Variants in LRMDA observed in about 807,000 individuals in gnomAD.
The protein encoded by LRMDA is leucine rich melanocyte differentiation associated, also known as leucine-rich melanocyte differentiation-associated protein.
A neutral mutation model predicts 29.8 loss-of-function variants in LRMDA; 18 were observed. That is an observed-to-expected ratio of 0.60 (90% CI 0.42 to 0.90). The LOEUF is 0.90. Ranked by LOEUF, LRMDA falls within the 40% of genes least tolerant of loss-of-function variation. The pLI, the probability that LRMDA is intolerant of heterozygous loss-of-function variation, is 0.00. For missense variants in LRMDA, 273 were observed against 273.9 expected, an observed-to-expected ratio of 1.00 and a Z score of 0.02; for synonymous variants, 125 against 109.4, an observed-to-expected ratio of 1.14 and a Z score of -0.89.
At chr10:76,472,075 A>T (rs1330019998) in intron 6 of LRMDA, among the ~76,000 whole-genome samples, 1 of 151,738 alleles carries the variant, frequency 6.6e-6, no homozygotes, top group Non-Finnish European at 1.5e-5. Context: ...AACCAACTTG[A>T]CCTACCAGAC....
At chr10:76,012,027 G>A (rs887303796) in intron 2 of LRMDA, among the ~76,000 whole-genome samples, 2 of 152,190 alleles carry the variant, frequency 1.3e-5, no homozygotes, top group Non-Finnish European at 1.5e-5. Context: ...TGAGAAGACT[G>A]TCACACTCTA....
At chr10:76,376,084 T>A (rs1027518762) in intron 6 of LRMDA, among the ~76,000 whole-genome samples, 4 of 152,040 alleles carry the variant, frequency 2.6e-5, no homozygotes, top group Non-Finnish European at 5.9e-5. Flanking sequence ...GGGCTTTTAG[T>A]GTAACCAACA....
At chr10:75,547,563 A>T (rs1249795355) in intron 2 of LRMDA, among the ~76,000 whole-genome samples, 2 of 152,208 alleles carry the variant, frequency 1.3e-5, no homozygotes, top group African/African-American at 4.8e-5. Context: ...TTTCGTCTTT[A>T]TCAAGAATGT....
intron 2 of LRMDA, among the ~76,000 whole-genome samples, chr10:75,449,246 T>G (rs988993427): frequency 1.3e-5 from 2 of 151,872 alleles, no homozygotes; most frequent in Non-Finnish European, 2.9e-5. Flanking sequence ...CACTTACATA[T>G]GTTATCTCAT....
intron 2 of LRMDA, among the ~76,000 whole-genome samples, chr10:75,998,919 A>G (rs1377759731): frequency 2.0e-5 from 3 of 152,240 alleles, no homozygotes; most frequent in Non-Finnish European, 2.9e-5. Context: ...TCACAGAACC[A>G]GGGAACTGTG....
At chr10:75,797,942 T>C (rs1051414252) in intron 2 of LRMDA, among the ~76,000 whole-genome samples, 1 of 152,206 alleles carries the variant, frequency 6.6e-6, no homozygotes, top group Admixed American at 6.5e-5. Context: ...CATCAGTATA[T>C]GAAGATTCCA....
At chr10:76,157,268 C>G (rs1285310340) in intron 5 of LRMDA, among the ~76,000 whole-genome samples, 2 of 152,076 alleles carry the variant, frequency 1.3e-5, no homozygotes, top group Non-Finnish European at 2.9e-5. Flanking sequence ...TGGAAAGAAG[C>G]AAATGAATTT....
intron 2 of LRMDA, among the ~76,000 whole-genome samples, chr10:75,682,597 T>C (rs906580463): frequency 1.3e-5 from 2 of 152,208 alleles, no homozygotes; most frequent in Non-Finnish European, 2.9e-5. Flanking sequence ...CTGATAACTC[T>C]GTGAAGGAGG....
rs763882098 is a variant in LRMDA at position 76,540,691 on chromosome 10, A to G, written c.602-16518A>G. ...ATAGCAGGATTCACTAAACCTTTCT[A>G]ACTTCTCTGTTGAAAATTTGTACCA... On this transcript the variant is annotated intron_variant, in intron 6 of 6. Transcript: ENST00000611255. Among the ~76,000 whole-genome samples, 24 of 152,190 alleles carry G rather than the reference A, an allele frequency of 1.6e-4. 1 individual carries two copies. The highest frequency in any genetic ancestry group is 2.5e-4 in the Non-Finnish European group (17 of 68,032).
At chr10:75,807,168 C>T (rs979634139) in intron 2 of LRMDA, among the ~76,000 whole-genome samples, 1 of 152,080 alleles carries the variant, frequency 6.6e-6, no homozygotes, top group African/African-American at 2.4e-5. Flanking sequence ...TGCTCTGCAT[C>T]CCAGCAAGTA....
chr10:75,468,377 A>C (rs1239880620), intron 2 of LRMDA, among the ~76,000 whole-genome samples: 1 of 152,030 alleles, frequency 6.6e-6, no homozygotes, highest in Non-Finnish European at 1.5e-5. Flanking sequence ...TTTCTTTGTT[A>C]TTGTGTGGTC....
chr10:76,067,086 C>T (rs1359275180), intron 5 of LRMDA, among the ~76,000 whole-genome samples: 1 of 152,176 alleles, frequency 6.6e-6, no homozygotes, highest in African/African-American at 2.4e-5. Flanking sequence ...GAGTGAGTAG[C>T]TCTGATTCTG....
chr10:76,424,455 C>T (rs1265589583), intron 6 of LRMDA, among the ~76,000 whole-genome samples: 4 of 152,130 alleles, frequency 2.6e-5, no homozygotes, highest in East Asian at 1.9e-4. Flanking sequence ...AGGAGAATTG[C>T]GTGAACCTGG....
chr10:75,515,113 G>A (rs557588648), intron 2 of LRMDA, among the ~76,000 whole-genome samples: 1 of 152,322 alleles, frequency 6.6e-6, no homozygotes, highest in South Asian at 2.1e-4. Context: ...TAGGTTAAGT[G>A]AAAGAAGCCA....
intron 2 of LRMDA, among the ~76,000 whole-genome samples, chr10:75,520,913 TTG>T (rs1352082613): frequency 6.6e-6 from 1 of 152,218 alleles, no homozygotes; most frequent in South Asian, 2.1e-4. Context: ...CCCTTTCTGT[TTG>T]TTAGTTTTCC....
intron 6 of LRMDA, among the ~76,000 whole-genome samples, chr10:76,347,562 A>G (rs1416136421): frequency 6.6e-6 from 1 of 152,206 alleles, no homozygotes; most frequent in East Asian, 1.9e-4. Context: ...CGCTGAGAGC[A>G]AAACATAATC....
intron 5 of LRMDA, among the ~76,000 whole-genome samples, chr10:76,178,679 C>T (rs1313464039): frequency 6.6e-6 from 1 of 152,184 alleles, no homozygotes; most frequent in East Asian, 1.9e-4. Context: ...GATCAGCTTG[C>T]TCACTTCAAA....
intron 5 of LRMDA, among the ~76,000 whole-genome samples, chr10:76,108,988 G>T (rs1849531204): frequency 6.6e-6 from 1 of 152,146 alleles, no homozygotes; most frequent in Non-Finnish European, 1.5e-5. Flanking sequence ...TTTCTGAAAG[G>T]ATAGAAAAGA....
chr10:75,694,401 A>G (rs1842206980), intron 2 of LRMDA, among the ~76,000 whole-genome samples: 1 of 152,208 alleles, frequency 6.6e-6, no homozygotes, highest in East Asian at 1.9e-4. Context: ...AGAGGTAATA[A>G]TAACTGAAAG....
Sources: gnomAD v4.1 joint callset for allele counts (sites outside exome capture counted in the v4.1 genomes callset) on GRCh38, gnomAD v4.1.1 for gene constraint, MANE v1.5 for transcripts, NCBI Gene and HGNC (gene_info 2026-07-23, HGNC 2026-07-21) for gene names.